Variants in PPP2R5E observed in about 807,000 individuals in gnomAD.
PPP2R5E encodes serine/threonine-protein phosphatase 2A 56 kDa regulatory subunit epsilon isoform.
In PPP2R5E, 4 loss-of-function variants were observed where a neutral mutation model predicts 65.3. The ratio of observed to expected loss-of-function variants is 0.06; its 90% CI spans 0.03 to 0.14. The LOEUF is 0.14. Among genes scored for constraint, PPP2R5E ranks in the 10% least tolerant of loss-of-function variants. The probability of loss-of-function intolerance (pLI) is 1.00; values close to 1 mark genes in which losing one functional copy is unlikely to be tolerated. For synonymous variants in PPP2R5E, 183 were observed against 187.4 expected (o/e 0.98, Z 0.19); for missense variants, 274 against 556.1 (o/e 0.49, Z 5.10).
At chr14:63,423,179 C>A (rs894446347) in intron 3 of PPP2R5E, among the ~76,000 whole-genome samples, 1 of 152,208 alleles carries the variant, frequency 6.6e-6, no homozygotes, top group African/African-American at 2.4e-5. Context: ...ACTGCAACCT[C>A]CTGCCTCCCA....
intron 3 of PPP2R5E, among the ~76,000 whole-genome samples, chr14:63,424,961 T>A (rs964205096): frequency 1.3e-5 from 2 of 152,174 alleles, no homozygotes; most frequent in Admixed American, 1.3e-4. Flanking sequence ...TAGAGCCGTA[T>A]CTATTGGACT....
rs1369870893 is a variant in PPP2R5E at position 63,373,880 on chromosome 14, G to T, written c.*2129C>A. The T allele has an allele frequency of 6.6e-6, 1 of 151,800 alleles. No homozygotes were observed. The highest frequency in any genetic ancestry group is 1.5e-5 in the Non-Finnish European group (1 of 67,958). The allele number at this position is 151,800 out of a possible 1,614,324, so 9.4% of individuals were successfully genotyped here. On this transcript the variant is annotated 3_prime_UTR_variant, in exon 14 of 14. Coordinates refer to ENST00000337537, the MANE Select transcript of PPP2R5E (RefSeq NM_006246.5). ...AAACTAAAGGGCTAAAATGACAAGG[G>T]CTAAAAAGGAGAAGATTTGTTACAA... is the stretch of plus-strand genomic sequence containing the variant.
intron 3 of PPP2R5E, among the ~76,000 whole-genome samples, chr14:63,431,263 T>TC (rs1887656197): frequency 7.1e-6 from 1 of 140,456 alleles, no homozygotes; most frequent in Non-Finnish European, 1.5e-5. Flanking sequence ...CTAGACTCTA[T>TC]CAAAAAAAAA....
At chr14:63,426,412 CAA>C (rs59731224) in intron 3 of PPP2R5E, among the ~76,000 whole-genome samples, 6,388 of 140,862 alleles carry the variant, frequency 0.045, 463 homozygotes, top group African/African-American at 0.15. Flanking sequence ...ATGGGAGCAC[CAA>C]AAAAAAAAAA....
intron 2 of PPP2R5E, among the ~76,000 whole-genome samples, chr14:63,462,992 C>CTA (rs1889568710): frequency 1.3e-5 from 2 of 149,936 alleles, no homozygotes; most frequent in Non-Finnish European, 3.0e-5. Context: ...ATCCCAGCTA[C>CTA]CCGGGAGGCT....
At chr14:63,444,335 T>C (rs1226232833) in intron 3 of PPP2R5E, among the ~76,000 whole-genome samples, 1 of 152,230 alleles carries the variant, frequency 6.6e-6, no homozygotes, top group African/African-American at 2.4e-5. Flanking sequence ...TTAACCACCC[T>C]TCTATCTACC....
At chr14:63,456,224 C>T (rs1488660662) in intron 2 of PPP2R5E, among the ~76,000 whole-genome samples, 2 of 152,094 alleles carry the variant, frequency 1.3e-5, no homozygotes, top group East Asian at 1.9e-4. Context: ...ATAAAAGCAT[C>T]GATGAATTGT....
At chr14:63,529,171 A>C (rs1893304703) in intron 2 of PPP2R5E, among the ~76,000 whole-genome samples, 1 of 152,150 alleles carries the variant, frequency 6.6e-6, no homozygotes, top group East Asian at 1.9e-4. Context: ...TATGTTGCCC[A>C]GGTTGATCTT....
At chr14:63,484,389 A>G (rs947606565) in intron 2 of PPP2R5E, among the ~76,000 whole-genome samples, 3 of 151,328 alleles carry the variant, frequency 2.0e-5, no homozygotes, top group African/African-American at 7.3e-5. Context: ...ACACACACAA[A>G]GAATCGTATC....
intron 3 of PPP2R5E, among the ~76,000 whole-genome samples, chr14:63,425,716 A>T (rs1887295195): frequency 6.6e-6 from 1 of 152,250 alleles, no homozygotes; most frequent in South Asian, 2.1e-4. Flanking sequence ...CATTTAATAA[A>T]TATTCACAAA....
At chr14:63,419,612 C>T (rs892132596) in intron 4 of PPP2R5E, among the ~76,000 whole-genome samples, 1 of 142,854 alleles carries the variant, frequency 7.0e-6, no homozygotes, top group Non-Finnish European at 1.6e-5. Flanking sequence ...GAGACCAAGT[C>T]AGGAGCCTTG....
At chr14:63,385,484 C>A (rs571924245) in intron 11 of PPP2R5E, among the ~76,000 whole-genome samples, 1 of 152,284 alleles carries the variant, frequency 6.6e-6, no homozygotes, top group East Asian at 1.9e-4. Flanking sequence ...TCACTGGTCC[C>A]CTTTCTTATG....
chr14:63,464,866 TA>T (rs1361126439), intron 2 of PPP2R5E, among the ~76,000 whole-genome samples: 1 of 151,760 alleles, frequency 6.6e-6, no homozygotes, highest in Non-Finnish European at 1.5e-5. Flanking sequence ...TTACTAAAAA[TA>T]TAAAAATTAG....
intron 2 of PPP2R5E, among the ~76,000 whole-genome samples, chr14:63,502,748 GAAATTTTATA>G (rs1198605900): frequency 1.2e-4 from 18 of 152,256 alleles, no homozygotes; most frequent in East Asian, 1.9e-4. Flanking sequence ...TTACCATGTT[GAAATTTTATA>G]AAATTTTATA....
intron 2 of PPP2R5E, among the ~76,000 whole-genome samples, chr14:63,532,636 G>A (rs1194241958): frequency 2.6e-5 from 4 of 152,062 alleles, no homozygotes; most frequent in Non-Finnish European, 1.5e-5. Flanking sequence ...TACTGAATGT[G>A]GCACTGTCAC....
intron 13 of PPP2R5E, among the ~76,000 whole-genome samples, chr14:63,379,180 C>T (rs945369518): frequency 1.3e-5 from 2 of 152,172 alleles, no homozygotes; most frequent in Admixed American, 1.3e-4. Flanking sequence ...AGGCACCCGC[C>T]ACCACGCCCT....
chr14:63,402,720 A>T (rs372116231), intron 5 of PPP2R5E, among the ~76,000 whole-genome samples: 1 of 152,316 alleles, frequency 6.6e-6, no homozygotes. Flanking sequence ...ACCAAAAAAC[A>T]GAGATAATAT....
chr14:63,506,807 C>T (rs1399928398), intron 2 of PPP2R5E, among the ~76,000 whole-genome samples: 1 of 152,136 alleles, frequency 6.6e-6, no homozygotes, highest in Non-Finnish European at 1.5e-5. Context: ...AATATTTACC[C>T]AAGGTAACTG....
At chr14:63,386,923 C>CAAA (rs34820715) in intron 11 of PPP2R5E, among the ~76,000 whole-genome samples, 5,209 of 122,638 alleles carry the variant, frequency 0.042, 234 homozygotes, top group East Asian at 0.12. Context: ...GACTCCATCT[C>CAAA]AAAAAAAAAA....
Sources: gnomAD v4.1 joint callset for allele counts (sites outside exome capture counted in the v4.1 genomes callset) on GRCh38, gnomAD v4.1.1 for gene constraint, MANE v1.5 for transcripts, NCBI Gene and HGNC (gene_info 2026-07-23, HGNC 2026-07-21) for gene names.